Variants in SLC2A9 observed in about 807,000 individuals in gnomAD.
SLC2A9 encodes solute carrier family 2, facilitated glucose transporter member 9.
Under a neutral mutation model 50.6 loss-of-function variants are expected in SLC2A9, and 39 were observed. That is an observed-to-expected ratio of 0.77 (90% CI 0.60 to 1.01). The LOEUF (loss-of-function observed/expected upper bound fraction) is 1.01. Among genes scored for constraint, SLC2A9 ranks in the 50% least tolerant of loss-of-function variants. SLC2A9 has a pLI of 0.00. For synonymous variants in SLC2A9, 324 were observed against 276.9 expected (o/e 1.17, Z -1.69); for missense variants, 686 against 677.6 (o/e 1.01, Z -0.14).
At chr4:9,900,027 C>T (rs1035497057) in intron 8 of SLC2A9, among the ~76,000 whole-genome samples, 14 of 152,080 alleles carry the variant, frequency 9.2e-5, no homozygotes, top group African/African-American at 3.4e-4. Context: ...TGTGAGGATA[C>T]ATTCATATTG....
chr4:9,801,856 G>A (rs371727307), intron 3 of SLC2A9, among the ~76,000 whole-genome samples: 2 of 152,344 alleles, frequency 1.3e-5, no homozygotes, highest in East Asian at 3.9e-4. Context: ...GAATAGGTTT[G>A]GGAGTGCTGT....
At chr4:9,814,883 C>A (rs1157927124) in intron 3 of SLC2A9, among the ~76,000 whole-genome samples, 1 of 151,920 alleles carries the variant, frequency 6.6e-6, no homozygotes, top group Non-Finnish European at 1.5e-5. Flanking sequence ...CACAGTCCAC[C>A]AAGACCACAA....
At chr4:9,966,540 C>T (rs529622857) in intron 5 of SLC2A9, among the ~76,000 whole-genome samples, 1 of 152,198 alleles carries the variant, frequency 6.6e-6, no homozygotes, top group Non-Finnish European at 1.5e-5. Context: ...CCTGTAGTCC[C>T]AGCTACTCGA....
At chr4:9,893,285 C>G (rs1737878931) in intron 8 of SLC2A9, among the ~76,000 whole-genome samples, 1 of 152,090 alleles carries the variant, frequency 6.6e-6, no homozygotes, top group Admixed American at 6.5e-5. Context: ...GGCTAGGAGC[C>G]TTCATCTTTG....
At chr4:9,931,920 C>CTCTCTCTCTCTCTCTCTCTCAA (rs1746014370) in intron 6 of SLC2A9, among the ~76,000 whole-genome samples, 1 of 16,812 alleles carries the variant, frequency 5.9e-5, no homozygotes. Flanking sequence ...ATGACTCTCT[C>CTCTCTCTCTCTCTCTCTCTCAA]TCTCTCTCTC....
intron 5 of SLC2A9, among the ~76,000 whole-genome samples, chr4:9,966,374 G>C (rs1414361862): frequency 6.6e-6 from 1 of 152,160 alleles, no homozygotes; most frequent in Non-Finnish European, 1.5e-5. Flanking sequence ...ACACACTGGA[G>C]GCTGGGTGAA....
chr4:9,803,959 T>C (rs1040220896), intron 3 of SLC2A9, among the ~76,000 whole-genome samples: 1 of 152,228 alleles, frequency 6.6e-6, no homozygotes, highest in African/African-American at 2.4e-5. Flanking sequence ...AAAGGTTATA[T>C]CTATTCATTT....
At chr4:9,772,884 A>C (rs1166298867) in intron 1 of SLC2A9, among the ~76,000 whole-genome samples, 1 of 151,260 alleles carries the variant, frequency 6.6e-6, no homozygotes, top group African/African-American at 2.4e-5. Flanking sequence ...CAGGTTAGTT[A>C]CATATGTATA....
At chr4:9,791,587 C>G (rs1719924222) in intron 3 of SLC2A9, among the ~76,000 whole-genome samples, 1 of 152,122 alleles carries the variant, frequency 6.6e-6, no homozygotes, top group South Asian at 2.1e-4. Context: ...GGAGGACAGG[C>G]TTTTTTGTTC....
At chr4:9,851,168 C>T (rs77821454) in intron 10 of SLC2A9, among the ~76,000 whole-genome samples, 5,643 of 152,302 alleles carry the variant, frequency 0.037, 333 homozygotes, top group African/African-American at 0.13. Flanking sequence ...CTGGCACACC[C>T]ATCGAAGTGT....
intron 3 of SLC2A9, among the ~76,000 whole-genome samples, chr4:9,992,229 G>T (rs1486289206): frequency 6.6e-6 from 1 of 152,048 alleles, no homozygotes; most frequent in African/African-American, 2.4e-5. Context: ...TACAGGCCTG[G>T]CCAGTCAACA....
chr4:9,893,706 G>C (rs1258464704), intron 8 of SLC2A9, among the ~76,000 whole-genome samples: 1 of 152,176 alleles, frequency 6.6e-6, no homozygotes, highest in Non-Finnish European at 1.5e-5. Flanking sequence ...GCCAGGTCCA[G>C]TGCAACATGG....
chr4:9,941,555 C>T (rs978408560), intron 6 of SLC2A9, among the ~76,000 whole-genome samples: 2 of 152,172 alleles, frequency 1.3e-5, no homozygotes, highest in Non-Finnish European at 2.9e-5. Flanking sequence ...GGAGGGCCGC[C>T]ATGCACCTAA....
chr4:9,771,655 A>C (rs1490308133), intron 1 of SLC2A9, among the ~76,000 whole-genome samples: 1 of 152,234 alleles, frequency 6.6e-6, no homozygotes, highest in Non-Finnish European at 1.5e-5. Flanking sequence ...GCTGGGAAAG[A>C]AAGGTAAGTC....
At chr4:9,988,280 G>C (rs1757091528) in intron 3 of SLC2A9, among the ~76,000 whole-genome samples, 1 of 152,232 alleles carries the variant, frequency 6.6e-6, no homozygotes, top group Non-Finnish European at 1.5e-5. Flanking sequence ...GAGAGGCATA[G>C]AGGAGCCAAG....
chr4:9,897,018 A>C (rs980093694), intron 8 of SLC2A9, among the ~76,000 whole-genome samples: 3 of 152,098 alleles, frequency 2.0e-5, no homozygotes, highest in African/African-American at 7.2e-5. Context: ...CTTAACTCTG[A>C]TTACATTTTC....
intron 5 of SLC2A9, among the ~76,000 whole-genome samples, chr4:9,960,240 G>C (rs1396601454): frequency 6.6e-6 from 1 of 152,138 alleles, no homozygotes; most frequent in Non-Finnish European, 1.5e-5. Flanking sequence ...AGTCACTCAG[G>C]CTCCGCTAAA....
At chr4:9,998,760 C>T (rs1362255080) in intron 2 of SLC2A9, among the ~76,000 whole-genome samples, 2 of 152,034 alleles carry the variant, frequency 1.3e-5, no homozygotes, top group Admixed American at 6.5e-5. Flanking sequence ...TGCCCATGGT[C>T]GATAGCAGGA....
intron 11 of SLC2A9, among the ~76,000 whole-genome samples, chr4:9,832,407 G>T (rs186583136): frequency 6.6e-6 from 1 of 152,220 alleles, no homozygotes; most frequent in South Asian, 2.1e-4. Flanking sequence ...TGGGTCAGGA[G>T]GCTGACATTT....
Sources: gnomAD v4.1 joint callset for allele counts (sites outside exome capture counted in the v4.1 genomes callset) on GRCh38, gnomAD v4.1.1 for gene constraint, MANE v1.5 for transcripts, NCBI Gene and HGNC (gene_info 2026-07-23, HGNC 2026-07-21) for gene names.